IAH1: variants seen among roughly 807,000 people sequenced by gnomAD.
The protein encoded by IAH1 is isoamyl acetate hydrolyzing esterase 1 (putative).
A neutral mutation model predicts 26.7 loss-of-function variants in IAH1; 24 were observed. The ratio of observed to expected loss-of-function variants is 0.90; its 90% CI spans 0.65 to 1.26. The LOEUF is 1.26. IAH1 is among the 50% of genes most tolerant of loss of function. The probability of loss-of-function intolerance (pLI) is 0.00; values close to 1 mark genes in which losing one functional copy is unlikely to be tolerated. For synonymous variants in IAH1, 140 were observed against 118.5 expected (o/e 1.18, Z -1.18); for missense variants, 300 against 299.9 (o/e 1.00, Z 0.00).
At chr2:9,512,302 CTG>C in the IAH1 span, 1 of 151,770 alleles carries the variant, frequency 6.6e-6, no homozygotes, top group African/African-American at 2.4e-5. Context: ...TGTTTTTTTG[CTG>C]TGTTTTTTTA....
At chr2:9,504,619 C>G in the IAH1 span, among the ~76,000 whole-genome samples, 12,996 of 150,652 alleles carry the variant, frequency 0.086, 615 homozygotes, top group African/African-American at 0.12. Context: ...AAAAATTAGC[C>G]GGGCATGGTG....
chr2:9,510,244 A>T, the IAH1 span: 5 of 1,172,764 alleles, frequency 4.3e-6, no homozygotes, highest in Non-Finnish European at 6.1e-6. Flanking sequence ...CAACAAGAGA[A>T]TAAGAACTGC....
downstream of IAH1, chr2:9,494,618 G>A: frequency 6.2e-7 from 1 of 1,610,572 alleles, no homozygotes; most frequent in Non-Finnish European, 8.5e-7. Context: ...TACAGAAAAA[G>A]CTGTACATAA....
the IAH1 span, among the ~76,000 whole-genome samples, chr2:9,503,569 A>ACC: frequency 2.2e-3 from 335 of 152,298 alleles, 1 homozygote; most frequent in Non-Finnish European, 1.3e-3. Flanking sequence ...AGCCAGGAGC[A>ACC]GTGGCTCACG....
At chr2:9,509,771 A>T in the IAH1 span, among the ~76,000 whole-genome samples, 1 of 152,226 alleles carries the variant, frequency 6.6e-6, no homozygotes, top group Non-Finnish European at 1.5e-5. Flanking sequence ...ATTAAGCTTG[A>T]CAACAAAGTC....
downstream of IAH1, chr2:9,490,174 A>AAATT: frequency 6.3e-7 from 1 of 1,589,240 alleles, no homozygotes; most frequent in Non-Finnish European, 8.6e-7. Context: ...GCTGAGAACT[A>AAATT]AATTAGCACT....
chr2:9,505,119 A>G, the IAH1 span: 1 of 1,595,964 alleles, frequency 6.3e-7, no homozygotes, highest in Non-Finnish European at 8.6e-7. Flanking sequence ...TATTTTGGAC[A>G]TCTTGTTATA....
At chr2:9,508,365 C>T in the IAH1 span, among the ~76,000 whole-genome samples, 17 of 152,292 alleles carry the variant, frequency 1.1e-4, no homozygotes, top group East Asian at 1.9e-3. Context: ...CCTCTACATC[C>T]GCGCTACTTT....
downstream of IAH1, among the ~76,000 whole-genome samples, chr2:9,500,228 G>A (rs993449856): frequency 1.3e-5 from 2 of 152,144 alleles, no homozygotes; most frequent in Non-Finnish European, 2.9e-5. Context: ...AGTACATGAA[G>A]TACTGATACA....
chr2:9,481,562 C>A, intron 4 of IAH1, 115 bp downstream of exon 4: 3 of 865,838 alleles, frequency 3.5e-6, no homozygotes, highest in South Asian at 1.7e-5. Context: ...TCGGTATGTC[C>A]ATTTCAGTCT....
At chr2:9,504,565 G>A in the IAH1 span, among the ~76,000 whole-genome samples, 1 of 152,032 alleles carries the variant, frequency 6.6e-6, no homozygotes, top group Non-Finnish European at 1.5e-5. Flanking sequence ...AGGAGTTGGA[G>A]ACCATCCTGG....
At chr2:9,482,275 G>C in intron 4 of IAH1, among the ~76,000 whole-genome samples, 1 of 152,068 alleles carries the variant, frequency 6.6e-6, no homozygotes, top group East Asian at 1.9e-4. Flanking sequence ...TAATCTGCCC[G>C]ACTCAGCCTC....
intron 5 of IAH1, among the ~76,000 whole-genome samples, chr2:9,487,788 T>TTGTGTGTGTGTGTGTGTGTGTG (rs70948823): frequency 7.5e-6 from 1 of 133,966 alleles, no homozygotes; most frequent in African/African-American, 2.9e-5. Context: ...CCCGGCCTTT[T>TTGTGTGTGTGTGTGTGTGTGTG]TGTGTGTGTG....
the IAH1 span, among the ~76,000 whole-genome samples, chr2:9,508,589 T>G: frequency 2.7e-4 from 41 of 152,332 alleles, no homozygotes; most frequent in African/African-American, 9.1e-4. Context: ...TTAATGCCCA[T>G]TCCCGTCTCC....
chr2:9,511,381 C>T, the IAH1 span, among the ~76,000 whole-genome samples: 1 of 151,842 alleles, frequency 6.6e-6, no homozygotes, highest in African/African-American at 2.4e-5. Context: ...ACCCAGGAGG[C>T]GGAGGTTGCA....
the IAH1 span, among the ~76,000 whole-genome samples, chr2:9,501,623 A>G: frequency 0.086 from 13,118 of 152,218 alleles, 627 homozygotes; most frequent in African/African-American, 0.12. Flanking sequence ...ACATATAGAA[A>G]AACTGGTTAC....
intron 5 of IAH1, chr2:9,486,117 A>G (rs565943849): frequency 4.6e-5 from 7 of 152,290 alleles, no homozygotes; most frequent in Admixed American, 4.6e-4. Context: ...CCAATGACCT[A>G]CACATTTATT....
intron 4 of IAH1, among the ~76,000 whole-genome samples, chr2:9,483,173 C>CTT (rs1383158180): frequency 2.0e-5 from 3 of 152,158 alleles, no homozygotes; most frequent in Non-Finnish European, 4.4e-5. Context: ...CCAATGCAGA[C>CTT]TTTTTAAAAG....
chr2:9,494,492 CTAAG>C (rs1558493881), downstream of IAH1: 1 of 930,778 alleles, frequency 1.1e-6, no homozygotes, highest in Non-Finnish European at 1.6e-6. Context: ...TCTTCTCCTC[CTAAG>C]TAATACCCGT....
Sources: gnomAD v4.1 joint callset for allele counts (sites outside exome capture counted in the v4.1 genomes callset) on GRCh38, gnomAD v4.1.1 for gene constraint, MANE v1.5 for transcripts, NCBI Gene and HGNC (gene_info 2026-07-23, HGNC 2026-07-21) for gene names.